Variants in PPIL2 observed in about 807,000 individuals in gnomAD.
The protein encoded by PPIL2 is RING-type E3 ubiquitin-protein ligase PPIL2.
Under a neutral mutation model 75.2 loss-of-function variants are expected in PPIL2, and 50 were observed. The ratio of observed to expected loss-of-function variants is 0.66; its 90% CI spans 0.53 to 0.84. PPIL2 has a LOEUF of 0.84. Among genes scored for constraint, PPIL2 ranks in the 40% least tolerant of loss-of-function variants. The pLI, the probability that PPIL2 is intolerant of heterozygous loss-of-function variation, is 0.00. For missense variants in PPIL2, 590 were observed against 685.0 expected, an observed-to-expected ratio of 0.86 and a Z score of 1.55; for synonymous variants, 245 against 258.8, an observed-to-expected ratio of 0.95 and a Z score of 0.51.
rs2067888686 is a variant in PPIL2, at chr22:21,695,538, C to G, written c.*48C>G. 6.4e-7 allele frequency: 1 copy of G among 1,556,272 alleles called. No individual in the cohort carries two copies. Among genetic ancestry groups the G allele is most frequent in the East Asian group, 2.4e-5 (1 of 41,788 alleles). ...CTTGGTGGGGTTGCAGGGCTGGGGG[C>G]CCATGTCCACATCTCCATTTCCAGC... On this transcript the variant is annotated 3_prime_UTR_variant, in exon 20 of 20. Coordinates refer to ENST00000398831, the MANE Select transcript of PPIL2 (RefSeq NM_014337.4).
intron 6 of PPIL2, among the ~76,000 whole-genome samples, chr22:21,677,404 A>G (rs901919576): frequency 6.6e-6 from 1 of 152,228 alleles, no homozygotes; most frequent in Non-Finnish European, 1.5e-5. Flanking sequence ...CAGCCTGGGC[A>G]ACATTGAGCA....
chr22:21,679,982 C>T (rs1268027049), intron 6 of PPIL2, among the ~76,000 whole-genome samples: 3 of 151,546 alleles, frequency 2.0e-5, no homozygotes, highest in African/African-American at 7.3e-5. Flanking sequence ...CCCAGCTACT[C>T]AGGAGGCTGA....
chr22:21,672,015 C>T (rs897218827), intron 4 of PPIL2, among the ~76,000 whole-genome samples: 2 of 152,138 alleles, frequency 1.3e-5, no homozygotes, highest in African/African-American at 4.8e-5. Flanking sequence ...TGAAACACTG[C>T]ACTCCAGCCT....
intron 9 of PPIL2, among the ~76,000 whole-genome samples, chr22:21,683,747 C>G (rs2067227766): frequency 6.6e-6 from 1 of 152,224 alleles, no homozygotes; most frequent in Non-Finnish European, 1.5e-5. Context: ...TGGGCCGTGT[C>G]TGTGCTCTCT....
rs770001938 is a variant in PPIL2, at chr22:21,670,563, CAG to C, written c.83-1_83del. On this transcript the variant is annotated splice_acceptor_variant, in intron 2 of 19. Coordinates refer to ENST00000398831, the MANE Select transcript of PPIL2 (RefSeq NM_014337.4). LOFTEE classifies it high-confidence loss of function. ...TTCTGTTTTTTATTTCATTTTTAAA[CAG>C]ATCTCCCACAAACAAATTTTCGTCG... is the stretch of plus-strand genomic sequence containing the variant. 18 of 1,607,174 alleles carry C rather than the reference CAG, an allele frequency of 1.1e-5. No individual in the cohort carries two copies. The highest frequency in any genetic ancestry group is 1.4e-5 in the Non-Finnish European group (17 of 1,173,926).
Position 21,683,436 on chromosome 22 carries a change from C to T in PPIL2, c.553+179C>T, listed in dbSNP as rs9619446. Among the ~76,000 whole-genome samples the T allele has an allele frequency of 0.066, 10,096 of 152,194 alleles. 1,109 individuals are homozygous for T. The highest frequency in any genetic ancestry group is 0.23 in the African/African-American group (9,436 of 41,462). On this transcript the variant is annotated intron_variant, in intron 9 of 19. Coordinates refer to ENST00000398831, the MANE Select transcript of PPIL2 (RefSeq NM_014337.4). ...CAACTGCAGCCTCAGAAACAATGGG[C>T]GGGATAGACTTGCTGCCCTGCCAGC...
intron 12 of PPIL2, 27 bp from the exon 13 acceptor site, chr22:21,687,616 C>T (rs1222497668): frequency 1.3e-5 from 13 of 1,033,612 alleles, no homozygotes; most frequent in Non-Finnish European, 1.8e-5. Context: ...CTCTCTGCTT[C>T]ATACAAGTAT....
chr22:21,689,653 C>A (rs1385380064), intron 15 of PPIL2, among the ~76,000 whole-genome samples: 1 of 152,166 alleles, frequency 6.6e-6, no homozygotes, highest in Non-Finnish European at 1.5e-5. Flanking sequence ...CTCTCTGCTT[C>A]CCTGGTGTGC....
At position 21,666,837 on chromosome 22, in the gene PPIL2, A is replaced by ACCCGTGC. The variant is rs369590108; in HGVS notation, c.32+717_32+723dup. On this transcript the variant is annotated intron_variant, in intron 1 of 19. Transcript: ENST00000398831. ...AATAATAAATAAAATTTAAAAATCC[A>ACCCGTGC]CCCGTGCCCCGTGCCCCACGTCCCA... Among the ~76,000 whole-genome samples the ACCCGTGC allele has an allele frequency of 5.5e-4, 84 of 151,770 alleles. 1 individual carries two copies. In the South Asian group the frequency reaches 0.016, roughly 29 times the overall value.
intron 6 of PPIL2, among the ~76,000 whole-genome samples, chr22:21,677,397 C>G (rs1459966241): frequency 6.6e-6 from 1 of 152,214 alleles, no homozygotes; most frequent in Non-Finnish European, 1.5e-5. Flanking sequence ...TGCACTCCAG[C>G]CTGGGCAACA....
At chr22:21,675,202 T>C (rs1479818780) in intron 6 of PPIL2, 87 bp downstream of exon 6, 4 of 1,280,294 alleles carry the variant, frequency 3.1e-6, no homozygotes, top group African/African-American at 3.0e-5. Flanking sequence ...GAATCAGTCA[T>C]TGCTTTCTGA....
chr22:21,691,701 A>G (rs1426454223), intron 15 of PPIL2, among the ~76,000 whole-genome samples: 3 of 151,964 alleles, frequency 2.0e-5, no homozygotes, highest in Middle Eastern at 3.4e-3. Flanking sequence ...AAAAAAAAAA[A>G]GATTTTCTAG....
At chr22:21,698,838 A>G (rs1252614561), downstream of PPIL2, 1 of 152,490 alleles carries the variant, frequency 6.6e-6, no homozygotes, top group African/African-American at 2.4e-5. Flanking sequence ...GGAGGACAGG[A>G]TGTGCTGGGC....
rs1279357262 is a variant in PPIL2 at position 21,688,991 on chromosome 22, C to T, written c.1139+142C>T. 5.1e-6 allele frequency: 4 copies of T among 780,270 alleles called. 1 individual carries two copies. The South Asian group carries it at 5.1e-5, about 10-fold the overall frequency. The allele number at this position is 780,270 out of a possible 1,614,324, so 48.3% of individuals were successfully genotyped here. On this transcript the variant is annotated intron_variant, in intron 15 of 19. Transcript: ENST00000398831. ...ACGGCACACCTAGGCCAAGCATGTGCACCTGCGTTCAAAAGGGGGTCCCCA... is the reference window on the plus strand; with the variant it reads ...ACGGCACACCTAGGCCAAGCATGTGTACCTGCGTTCAAAAGGGGGTCCCCA...
chr22:21,692,269 C>T lies in PPIL2; in HGVS notation c.1140-1547C>T, dbSNP rs533022949. ...CTCCCAGGTTCATGCCATTCTCCTG[C>T]CTCAGCCTCCCTAGTAGCTGGGACT... On this transcript the variant is annotated intron_variant, in intron 15 of 19. Coordinates refer to ENST00000398831, the MANE Select transcript of PPIL2 (RefSeq NM_014337.4). Among the ~76,000 whole-genome samples the T allele has an allele frequency of 2.3e-3, 350 of 152,148 alleles. 1 individual carries two copies. The highest frequency in any genetic ancestry group is 2.9e-3 in the Non-Finnish European group (198 of 67,994).
chr22:21,682,365 G>A, intron 7 of PPIL2, 72 bp from the exon 8 acceptor site: 1 of 1,342,832 alleles, frequency 7.4e-7, no homozygotes. Flanking sequence ...CCAGCTCCAG[G>A]CCTCCCTGCT....
At chr22:21,668,776 G>GCAA (rs2066498788) in intron 1 of PPIL2, among the ~76,000 whole-genome samples, 2 of 147,126 alleles carry the variant, frequency 1.4e-5, no homozygotes, top group East Asian at 4.1e-4. Flanking sequence ...CGGTGGCATG[G>GCAA]TCTCCGCTCA....
chr22:21,687,026 T>G (rs1276094904), intron 12 of PPIL2, 28 bp downstream of exon 12: 8 of 1,584,318 alleles, frequency 5.0e-6, no homozygotes, highest in Non-Finnish European at 6.9e-6. Context: ...CCACTCCCCA[T>G]GCCCCAAGGT....
Position 21,683,169 on chromosome 22 carries a change from CTT to C in PPIL2, c.478-9_478-8del. 6.2e-7 allele frequency: 1 copy of C among 1,608,780 alleles called. No individual in the cohort carries two copies. The highest frequency in any genetic ancestry group is 8.5e-7 in the Non-Finnish European group (1 of 1,175,110). ...CTGGGTTCACTCTGCTGGGCATTCT[CTT>C]TTTGCCACAGGACCCCACCAATTTG... On this transcript the variant is annotated splice_polypyrimidine_tract_variant and intron_variant, in intron 8 of 19. Coordinates refer to ENST00000398831, the MANE Select transcript of PPIL2 (RefSeq NM_014337.4).
Sources: allele counts gnomAD v4.1 joint callset (sites outside exome capture counted in the v4.1 genomes callset), GRCh38; gene constraint gnomAD v4.1.1; transcripts MANE v1.5; gene names NCBI Gene and HGNC (gene_info 2026-07-23, HGNC 2026-07-21).